The following FBXW7 variants were observed in gnomAD, a reference collection of about 807,000 sequenced individuals.
FBXW7 encodes F-box and WD repeat domain containing 7.
FBXW7 carries 11 observed loss-of-function variants against 86.3 expected under a neutral mutation model. That is an observed-to-expected ratio of 0.13 (90% CI 0.08 to 0.21). FBXW7 has a LOEUF of 0.21. Among genes scored for constraint, FBXW7 ranks in the 10% least tolerant of loss-of-function variants. The pLI, the probability that FBXW7 is intolerant of heterozygous loss-of-function variation, is 1.00. For missense variants in FBXW7, 488 were observed against 847.4 expected, an observed-to-expected ratio of 0.58 and a Z score of 5.27; for synonymous variants, 313 against 297.9, an observed-to-expected ratio of 1.05 and a Z score of -0.52.
chr4:152,388,669 A>G (rs1168485606), intron 4 of FBXW7, among the ~76,000 whole-genome samples: 2 of 152,230 alleles, frequency 1.3e-5, no homozygotes, highest in Non-Finnish European at 2.9e-5. Context: ...TCCAAGATTC[A>G]GGAACCTTAA....
intron 2 of FBXW7, among the ~76,000 whole-genome samples, chr4:152,452,888 A>G (rs1425864706): frequency 6.6e-6 from 1 of 152,214 alleles, no homozygotes; most frequent in African/African-American, 2.4e-5. Flanking sequence ...TACAGTATAA[A>G]AACTTAATTA....
At chr4:152,419,536 C>CACACACAG (rs1209426451) in intron 2 of FBXW7, among the ~76,000 whole-genome samples, 1 of 150,828 alleles carries the variant, frequency 6.6e-6, no homozygotes, top group Non-Finnish European at 1.5e-5. Flanking sequence ...CACACACACA[C>CACACACAG]AGAGTGGCAA....
intron 4 of FBXW7, among the ~76,000 whole-genome samples, chr4:152,370,943 A>G (rs554803116): frequency 6.6e-6 from 1 of 152,018 alleles, no homozygotes; most frequent in East Asian, 1.9e-4. Context: ...ATATTGACTT[A>G]AAAAAACCCT....
At chr4:152,431,538 T>C (rs1477666316) in intron 2 of FBXW7, among the ~76,000 whole-genome samples, 2 of 152,226 alleles carry the variant, frequency 1.3e-5, no homozygotes, top group South Asian at 2.1e-4. Context: ...AGTTTCTATT[T>C]GATTATGTGG....
chr4:152,450,022 C>T (rs1741767104), intron 2 of FBXW7, among the ~76,000 whole-genome samples: 1 of 152,204 alleles, frequency 6.6e-6, no homozygotes, highest in Admixed American at 6.5e-5. Flanking sequence ...TTCCCATTGT[C>T]TGTGACACTG....
chr4:152,373,541 T>C (rs973971806), intron 4 of FBXW7, among the ~76,000 whole-genome samples: 1 of 151,912 alleles, frequency 6.6e-6, no homozygotes, highest in African/African-American at 2.4e-5. Context: ...AAGATGTAAT[T>C]TGCAGCAGTA....
At chr4:152,527,865 T>TATACACACACACATAC (rs1554003395) in intron 2 of FBXW7, among the ~76,000 whole-genome samples, 1 of 137,396 alleles carries the variant, frequency 7.3e-6, no homozygotes, top group East Asian at 2.1e-4. Context: ...AAAAATTATA[T>TATACACACACACATAC]ACACACACAC....
chr4:152,481,094 T>G (rs1203972341), intron 2 of FBXW7, among the ~76,000 whole-genome samples: 1 of 152,174 alleles, frequency 6.6e-6, no homozygotes, highest in Admixed American at 6.6e-5. Context: ...GCTTCCAAAC[T>G]TCAAAGGATA....
At chr4:152,467,914 T>G (rs990096290) in intron 2 of FBXW7, among the ~76,000 whole-genome samples, 14 of 152,020 alleles carry the variant, frequency 9.2e-5, no homozygotes, top group Non-Finnish European at 1.6e-4. Context: ...ATGTATGTGA[T>G]AAGGGACTAG....
intron 2 of FBXW7, among the ~76,000 whole-genome samples, chr4:152,461,392 TG>T (rs764673503): frequency 6.6e-6 from 1 of 152,256 alleles, no homozygotes; most frequent in East Asian, 1.9e-4. Context: ...AAGACTTTAT[TG>T]TTTTTTATTG....
chr4:152,454,199 A>G (rs973547634), intron 2 of FBXW7, among the ~76,000 whole-genome samples: 1 of 151,384 alleles, frequency 6.6e-6, no homozygotes, highest in Admixed American at 6.6e-5. Context: ...CCCTTTGTAT[A>G]TAACTATAGT....
At position 152,321,782 on chromosome 4, in the gene FBXW7, G is replaced by A. The variant is rs557968666; in HGVS notation, c.*1099C>T. The A allele has an allele frequency of 4.3e-6, 1 of 232,812 alleles. No homozygotes were observed. The highest frequency in any genetic ancestry group is 2.2e-5 in the African/African-American group (1 of 45,386). 14.4% of individuals were successfully genotyped at this position (232,812 alleles called of 1,614,324 possible). On this transcript the variant is annotated 3_prime_UTR_variant, in exon 14 of 14. Transcript: ENST00000281708. The stretch of plus-strand genomic sequence containing the variant: ...TTCACCACAGCCCTCAAAAAGAAAA[G>A]TTTCTCCACAGAACAGGCAAGTAAT...
intron 2 of FBXW7, among the ~76,000 whole-genome samples, chr4:152,507,079 A>G (rs985985701): frequency 2.6e-5 from 4 of 152,356 alleles, no homozygotes; most frequent in African/African-American, 9.6e-5. Flanking sequence ...GCAAATTTGA[A>G]GTTGTCTATT....
At chr4:152,469,435 C>T (rs1335695400) in intron 2 of FBXW7, among the ~76,000 whole-genome samples, 3 of 151,998 alleles carry the variant, frequency 2.0e-5, no homozygotes, top group African/African-American at 4.8e-5. Flanking sequence ...TTCTTAACTA[C>T]AGACACCTAC....
intron 6 of FBXW7, among the ~76,000 whole-genome samples, chr4:152,342,365 C>A (rs922226964): frequency 1.6e-4 from 24 of 152,192 alleles, no homozygotes; most frequent in Admixed American, 1.5e-3. Flanking sequence ...CAGTGAGAGG[C>A]TTGGTCCAGG....
At chr4:152,513,713 T>C (rs978515831) in intron 2 of FBXW7, among the ~76,000 whole-genome samples, 4 of 152,202 alleles carry the variant, frequency 2.6e-5, no homozygotes, top group Non-Finnish European at 5.9e-5. Flanking sequence ...ATAATGAAAA[T>C]GTATAAAAAT....
intron 2 of FBXW7, among the ~76,000 whole-genome samples, chr4:152,516,114 T>G (rs1214030896): frequency 6.6e-6 from 1 of 152,200 alleles, no homozygotes; most frequent in East Asian, 1.9e-4. Context: ...TTCAGCCTAG[T>G]GAGAACCTGA....
chr4:152,367,798 T>C (rs1056268932), intron 4 of FBXW7, among the ~76,000 whole-genome samples: 3 of 152,108 alleles, frequency 2.0e-5, no homozygotes, highest in Non-Finnish European at 4.4e-5. Flanking sequence ...ATCTACATTT[T>C]TGTATATAGA....
At chr4:152,390,326 T>A (rs923127751) in intron 4 of FBXW7, among the ~76,000 whole-genome samples, 5 of 152,114 alleles carry the variant, frequency 3.3e-5, no homozygotes, top group Non-Finnish European at 7.4e-5. Flanking sequence ...CTGAATTTTC[T>A]AAGTATTTCA....
Sources: allele counts gnomAD v4.1 joint callset (sites outside exome capture counted in the v4.1 genomes callset), GRCh38; gene constraint gnomAD v4.1.1; transcripts MANE v1.5; gene names NCBI Gene and HGNC (gene_info 2026-07-23, HGNC 2026-07-21).